Variants in SLC38A10 observed in about 807,000 individuals in gnomAD.
SLC38A10 encodes solute carrier family 38 member 10, also known as Sodium-coupled neutral amino acid transporter 10.
Under a neutral mutation model 81.0 loss-of-function variants are expected in SLC38A10, and 53 were observed. That is an observed-to-expected ratio of 0.65 (90% confidence interval 0.53 to 0.82). The LOEUF (loss-of-function observed/expected upper bound fraction) is 0.82. SLC38A10 is among the 40% of genes least tolerant of loss of function. The pLI is 0.00. For missense variants in SLC38A10, 1,471 were observed against 1,545.0 expected (o/e 0.95, Z 0.80); for synonymous variants, 665 against 655.3 (o/e 1.01, Z -0.23).
At chr17:81,287,827 C>T (rs1208732722) in intron 2 of SLC38A10, among the ~76,000 whole-genome samples, 4 of 152,184 alleles carry the variant, frequency 2.6e-5, no homozygotes, top group East Asian at 1.9e-4. Flanking sequence ...CCTGGGTCAC[C>T]GGTCTTCTTC....
Position 81,246,061 on chromosome 17 carries a change from G to A in SLC38A10, c.2855C>T (p.Pro952Leu), listed in dbSNP as rs762830200. ...PGGAEGAAAQ[P>L]QAVLRQPELR... is the part of the protein sequence containing the mutation. ...TTCCGGCTGGCGTAACACAGCCTGG[G>A]GCTGTGCAGCTGCTCCTTCCGCCCC... is the stretch of plus-strand genomic sequence containing the variant. The change falls in exon 16 of 16, where the codon CCC becomes CTC. Residue 952 changes from proline to leucine, a missense_variant. Transcript: ENST00000374759. 1.9e-6 allele frequency: 3 copies of A among 1,609,494 alleles called. No individual in the cohort carries two copies. The highest frequency in any genetic ancestry group is 2.7e-5 in the African/African-American group (2 of 74,940).
At chr17:81,272,098 T>C (rs987462213) in intron 9 of SLC38A10, among the ~76,000 whole-genome samples, 12 of 151,452 alleles carry the variant, frequency 7.9e-5, no homozygotes, top group Non-Finnish European at 1.5e-4. Flanking sequence ...AATGGCGCAA[T>C]CTTGGCTCAC....
rs1285951187 is a variant in SLC38A10, at chr17:81,246,233, G to A, written c.2683C>T (p.Pro895Ser). The A allele has an allele frequency of 6.2e-7, 1 of 1,612,570 alleles. No homozygotes were observed. Among genetic ancestry groups the A allele is most frequent in the African/African-American group, 1.3e-5 (1 of 74,930 alleles). The change falls in exon 16 of 16, where the codon CCT becomes TCT. Residue 895 changes from proline to serine, a missense_variant. Physicochemically the swap from Pro to Ser is moderately conservative, Grantham distance 74. Coordinates refer to ENST00000374759, the MANE Select transcript of SLC38A10 (RefSeq NM_001037984.3). ...VTGGSQDRKK[P>S]GKEVAATGTS... is the part of the protein sequence containing the mutation. ...CCAGTGGCTGCCACCTCCTTCCCAGGTTTTTTCCTGTCTTGGGAACCGCCA... is the reference window on the plus strand; with the variant it reads ...CCAGTGGCTGCCACCTCCTTCCCAGATTTTTTCCTGTCTTGGGAACCGCCA...
chr17:81,291,482 A>G (rs1443282228), intron 1 of SLC38A10, among the ~76,000 whole-genome samples: 1 of 123,828 alleles, frequency 8.1e-6, no homozygotes, highest in Non-Finnish European at 1.7e-5. Flanking sequence ...GTAAGACTCC[A>G]TCTCAAAAAA....
At chr17:81,257,608 C>T (rs2062984592) in intron 11 of SLC38A10, among the ~76,000 whole-genome samples, 1 of 152,246 alleles carries the variant, frequency 6.6e-6, no homozygotes, top group Non-Finnish European at 1.5e-5. Context: ...CCTGCCTCCA[C>T]GCATGGGGGC....
intron 10 of SLC38A10, among the ~76,000 whole-genome samples, chr17:81,266,464 A>C (rs1263131690): frequency 6.6e-6 from 1 of 152,024 alleles, no homozygotes; most frequent in Non-Finnish European, 1.5e-5. Flanking sequence ...CTAAAAATAC[A>C]AAAAATTAGC....
intron 5 of SLC38A10, 136 bp from the exon 6 acceptor site, chr17:81,280,869 CTGTGCCGCCCTGTGCCGCCT>C (rs1487867955): frequency 4.9e-6 from 6 of 1,217,278 alleles, no homozygotes; most frequent in Admixed American, 3.1e-5. Flanking sequence ...CCCCACCACC[CTGTGCCGCCCTGTGCCGCCT>C]TGTGCCGCCA....
At chr17:81,256,182 G>C (rs1318961593) in intron 11 of SLC38A10, among the ~76,000 whole-genome samples, 2 of 152,250 alleles carry the variant, frequency 1.3e-5, no homozygotes, top group Non-Finnish European at 2.9e-5. Context: ...GGCGGAGGCG[G>C]ATCCCTCAGA....
chr17:81,248,854 C>G (rs145133294), intron 14 of SLC38A10, among the ~76,000 whole-genome samples: 23 of 152,324 alleles, frequency 1.5e-4, no homozygotes, highest in Non-Finnish European at 2.8e-4. Context: ...GGCCGGCCCT[C>G]AAGCAGCAGC....
At chr17:81,266,106 G>A (rs970977476) in intron 10 of SLC38A10, among the ~76,000 whole-genome samples, 10 of 152,186 alleles carry the variant, frequency 6.6e-5, no homozygotes, top group African/African-American at 1.9e-4. Flanking sequence ...TCAGTGACGC[G>A]CCAGCCACTC....
At position 81,246,341 on chromosome 17, in the gene SLC38A10, G is replaced by T. The variant is rs1567920099; in HGVS notation, c.2575C>A (p.Pro859Thr). The change falls in exon 16 of 16, where the codon CCC becomes ACC. Residue 859 changes from proline (P) to threonine (T), a missense_variant. Physicochemically the swap from Pro to Thr is conservative, Grantham distance 38 (BLOSUM62 -1). Transcript: ENST00000374759. Reference protein sequence around the residue: ...KELPKGPEQVPVPDPAREAGG... With the variant: ...KELPKGPEQVTVPDPAREAGG... ...GCTTCCCTGGCGGGGTCTGGCACGG[G>T]CACCTGCTCCGGGCCCTTGGGGAGC... The T allele has an allele frequency of 1.9e-6, 3 of 1,607,712 alleles. No homozygotes were observed. Among genetic ancestry groups the T allele is most frequent in the Non-Finnish European group, 2.5e-6 (3 of 1,179,450 alleles).
intron 1 of SLC38A10, among the ~76,000 whole-genome samples, chr17:81,293,307 G>A (rs1265318556): frequency 1.3e-5 from 2 of 152,258 alleles, no homozygotes; most frequent in Non-Finnish European, 2.9e-5. Flanking sequence ...GTGGCTGGCA[G>A]AAAGCTGGGA....
Position 81,252,253 on chromosome 17 carries a change from T to TC in SLC38A10, c.1886dup (p.Pro630ThrfsTer115). 1 of 1,530,326 alleles carries TC rather than the reference T, an allele frequency of 6.5e-7. No individual in the cohort carries two copies. The highest frequency in any genetic ancestry group is 8.8e-7 in the Non-Finnish European group (1 of 1,136,582). 94.8% of individuals were successfully genotyped at this position (1,530,326 alleles called of 1,614,324 possible). On this transcript the variant is annotated frameshift_variant, in exon 13 of 16. Transcript: ENST00000374759. LOFTEE classifies it high-confidence loss of function. ...CCCCGGCGGCGTTGCCTGGCGGCGG[T>TC]CCCCCCTTGGCCTTTTCCCCTCCAC...
chr17:81,275,096 T>C (rs1385249331), intron 8 of SLC38A10, among the ~76,000 whole-genome samples: 1 of 152,134 alleles, frequency 6.6e-6, no homozygotes, highest in African/African-American at 2.4e-5. Flanking sequence ...TTTGTAAAGA[T>C]GGAGTCAAGT....
chr17:81,289,885 A>C lies in SLC38A10; in HGVS notation c.100-77T>G, dbSNP rs2063297146. ...GGCCCTCACCCCACACACGCGGCTC[A>C]TGAGGACCCTCTTCACCCCCAGGCC... On this transcript the variant is annotated intron_variant, in intron 1 of 15. Coordinates refer to ENST00000374759, the MANE Select transcript of SLC38A10 (RefSeq NM_001037984.3). The surrounding 1 kb of genome is among the most constrained non-coding windows in gnomAD (Gnocchi z 5.9). 2 of 1,219,516 alleles carry C rather than the reference A, an allele frequency of 1.6e-6. No individual in the cohort carries two copies. The highest frequency in any genetic ancestry group is 2.6e-5 in the Admixed American group (1 of 38,844). 75.5% of individuals were successfully genotyped at this position (1,219,516 alleles called of 1,614,324 possible). A position where few individuals can be genotyped will look rare whatever the true frequency, so the allele number is the denominator to read the frequency against.
chr17:81,246,650 C>T lies in SLC38A10; in HGVS notation c.2266G>A (p.Ala756Thr), dbSNP rs748697142. Residue 756 changes from alanine (A) to threonine (T), a missense_variant, in exon 16 of 16, where the codon GCA becomes ACA. Physicochemically the swap from Ala to Thr is moderately conservative, Grantham distance 58. Coordinates refer to ENST00000374759, the MANE Select transcript of SLC38A10 (RefSeq NM_001037984.3). ...GCCTCCTGGCCTCTGGGCACCGCTG[C>T]CCCGGGCTCTTGATGCACCTCCACT... ...RQVEVHQEPG[A>T]AVPRGQEAPE... is the part of the protein sequence containing the mutation. 9 of 1,509,958 alleles carry T rather than the reference C, an allele frequency of 6.0e-6. No homozygotes were observed. In the African/African-American group the frequency reaches 7.0e-5, roughly 12 times the overall value. 93.5% of individuals were successfully genotyped at this position (1,509,958 alleles called of 1,614,324 possible). A position where few individuals can be genotyped will look rare whatever the true frequency, so the allele number is the denominator to read the frequency against.
rs186761421 is a variant in SLC38A10 at position 81,268,748 on chromosome 17, G to A, written c.1131+2170C>T. ...AAAGTAAAAGCAAAAACAGAAAAAG[G>A]ACATATGAGACAAATAATAGGACAT... is the stretch of plus-strand genomic sequence containing the variant. On this transcript the variant is annotated intron_variant, in intron 10 of 15. Coordinates refer to ENST00000374759, the MANE Select transcript of SLC38A10 (RefSeq NM_001037984.3). Among the ~76,000 whole-genome samples, 17 of 151,622 alleles carry A rather than the reference G, an allele frequency of 1.1e-4. No individual in the cohort carries two copies. The East Asian group carries it at 2.9e-3, about 26-fold the overall frequency.
At chr17:81,267,062 AACTAACATG>A (rs1274754012) in intron 10 of SLC38A10, among the ~76,000 whole-genome samples, 1 of 79,312 alleles carries the variant, frequency 1.3e-5, no homozygotes, top group Non-Finnish European at 2.7e-5. Context: ...ACTAACACGC[AACTAACATG>A]CAACTAACAT....
chr17:81,292,910 G>A (rs553628077), intron 1 of SLC38A10, among the ~76,000 whole-genome samples: 13 of 152,190 alleles, frequency 8.5e-5, no homozygotes, highest in Non-Finnish European at 1.2e-4. Flanking sequence ...TTGGGAGGCC[G>A]AGGTGGGTGG....
Sources: gnomAD v4.1 joint callset for allele counts (sites outside exome capture counted in the v4.1 genomes callset) on GRCh38, gnomAD v4.1.1 for gene constraint, Gnocchi (gnomAD v3.1) non-coding constraint, MANE v1.5 for transcripts, NCBI Gene and HGNC (gene_info 2026-07-23, HGNC 2026-07-21) for gene names.